The following RAB27B variants were observed in gnomAD, a reference collection of about 807,000 sequenced individuals.
RAB27B encodes the protein RAB27B, member RAS oncogene family.
RAB27B carries 15 observed loss-of-function variants against 24.6 expected under a neutral mutation model. The ratio of observed to expected loss-of-function variants is 0.61; its 90% confidence interval spans 0.41 to 0.94. The LOEUF is 0.94. RAB27B is among the 40% of genes least tolerant of loss of function. RAB27B has a pLI of 0.00. For synonymous variants in RAB27B, 105 were observed against 92.5 expected (o/e 1.14, Z -0.78); for missense variants, 261 against 266.8 (o/e 0.98, Z 0.15).
chr18:54,769,687 A>G (rs182855695), intron 2 of RAB27B, among the ~76,000 whole-genome samples: 1 of 152,294 alleles, frequency 6.6e-6, no homozygotes, highest in Admixed American at 6.5e-5. Context: ...TTAAGGTTTT[A>G]TATACATGAT....
intron 2 of RAB27B, among the ~76,000 whole-genome samples, chr18:54,760,995 C>CT (rs199850716): frequency 0.033 from 4,773 of 145,918 alleles, 225 homozygotes; most frequent in African/African-American, 0.11. Context: ...GAGAGGTATT[C>CT]TTTTTTTTTT....
intron 2 of RAB27B, among the ~76,000 whole-genome samples, chr18:54,821,904 C>T (rs1910322876): frequency 6.6e-6 from 1 of 152,078 alleles, no homozygotes; most frequent in South Asian, 2.1e-4. Flanking sequence ...CAGGCATGGC[C>T]CCCATGCCTG....
chr18:54,849,600 A>T (rs1024732144), intron 1 of RAB27B, among the ~76,000 whole-genome samples: 15 of 152,156 alleles, frequency 9.9e-5, no homozygotes, highest in African/African-American at 3.1e-4. Context: ...ATGCTTCTGT[A>T]ATTCCAGCTA....
Position 54,843,360 on chromosome 18 carries a change from C to CT in RAB27B, c.-20+14671dup, listed in dbSNP as rs59589200. 3.7e-3 allele frequency among the ~76,000 whole-genome samples: 557 copies of CT among 150,564 alleles called. 3 individuals are homozygous for CT. The highest frequency in any genetic ancestry group is 0.013 in the African/African-American group (522 of 40,626). The stretch of plus-strand genomic sequence containing the variant: ...ATAAGTTTAGATTTTCAATAAAACT[C>CT]TTTTTTTTTTTAGCAGTGCCAGCCT... On this transcript the variant is annotated intron_variant, in intron 1 of 5. Coordinates refer to ENST00000262094, the MANE Select transcript of RAB27B (RefSeq NM_004163.4).
At chr18:54,738,027 A>AT (rs2145004405) in intron 2 of RAB27B, among the ~76,000 whole-genome samples, 1 of 152,222 alleles carries the variant, frequency 6.6e-6, no homozygotes, top group East Asian at 1.9e-4. Flanking sequence ...AATGGGTACA[A>AT]TAAAAAAAGA....
intron 2 of RAB27B, among the ~76,000 whole-genome samples, chr18:54,795,118 T>C (rs774160727): frequency 6.6e-6 from 1 of 152,198 alleles, no homozygotes; most frequent in African/African-American, 2.4e-5. Context: ...TTCCCACTTA[T>C]GGTTAATTTT....
chr18:54,807,679 T>C (rs1459760223), intron 2 of RAB27B, among the ~76,000 whole-genome samples: 7 of 152,168 alleles, frequency 4.6e-5, no homozygotes, highest in Non-Finnish European at 1.0e-4. Context: ...TTGTTAGTGA[T>C]GTTTTGGTAG....
At chr18:54,736,486 A>G (rs1033071141) in intron 2 of RAB27B, among the ~76,000 whole-genome samples, 2 of 152,128 alleles carry the variant, frequency 1.3e-5, no homozygotes, top group Non-Finnish European at 2.9e-5. Context: ...AAAAAAGGCT[A>G]TTAATAGCTA....
At chr18:54,884,036 C>T (rs1422602418) in intron 3 of RAB27B, among the ~76,000 whole-genome samples, 6 of 151,944 alleles carry the variant, frequency 3.9e-5, no homozygotes, top group Admixed American at 1.3e-4. Flanking sequence ...AAAATGCCCA[C>T]GAGCCAAAAA....
At chr18:54,734,038 G>C (rs1416238619) in intron 2 of RAB27B, among the ~76,000 whole-genome samples, 1 of 152,162 alleles carries the variant, frequency 6.6e-6, no homozygotes, top group Admixed American at 6.6e-5. Context: ...AAGGGTTAAA[G>C]ATAGCTTAAG....
At chr18:54,855,725 T>C (rs902383587) in intron 1 of RAB27B, among the ~76,000 whole-genome samples, 1 of 152,240 alleles carries the variant, frequency 6.6e-6, no homozygotes, top group African/African-American at 2.4e-5. Flanking sequence ...TATTGAAAAG[T>C]ATATACTCAT....
chr18:54,828,064 T>G (rs2145178016), upstream of RAB27B: 1 of 152,306 alleles, frequency 6.6e-6, no homozygotes, highest in East Asian at 1.9e-4. Context: ...AAAATATTAA[T>G]TTCTTTCCAA....
chr18:54,821,472 C>A (rs1910308718), intron 2 of RAB27B, among the ~76,000 whole-genome samples: 1 of 152,132 alleles, frequency 6.6e-6, no homozygotes, highest in Non-Finnish European at 1.5e-5. Context: ...CACAATTTGA[C>A]TTCCTCTTTT....
chr18:54,817,496 T>C (rs530641459), intron 2 of RAB27B, among the ~76,000 whole-genome samples: 1 of 152,304 alleles, frequency 6.6e-6, no homozygotes, highest in South Asian at 2.1e-4. Context: ...ATCATAAATC[T>C]TTTGGGCATA....
At chr18:54,748,152 C>T (rs895610376) in intron 2 of RAB27B, among the ~76,000 whole-genome samples, 2 of 151,836 alleles carry the variant, frequency 1.3e-5, no homozygotes, top group Admixed American at 1.3e-4. Flanking sequence ...AGTGGTTGAT[C>T]CTATTCTATT....
chr18:54,809,520 C>G (rs1186691250), intron 2 of RAB27B, among the ~76,000 whole-genome samples: 2 of 152,120 alleles, frequency 1.3e-5, no homozygotes, highest in African/African-American at 4.8e-5. Flanking sequence ...AAGTTGCAGC[C>G]AATCCACAGA....
chr18:54,870,408 G>A (rs543250426), intron 1 of RAB27B, among the ~76,000 whole-genome samples: 1 of 152,186 alleles, frequency 6.6e-6, no homozygotes, highest in East Asian at 1.9e-4. Context: ...CCAGCATGTT[G>A]CTTAATGGGA....
In RAB27B at chr18:54,892,898, T is replaced by G. The variant is rs929925033; in HGVS notation, c.*3485T>G. 6.6e-6 allele frequency: 1 copy of G among 152,086 alleles called. No homozygotes were observed. Among genetic ancestry groups the G allele is most frequent in the African/African-American group, 2.4e-5 (1 of 41,450 alleles). The allele number at this position is 152,086 out of a possible 1,614,324, so 9.4% of individuals were successfully genotyped here. On this transcript the variant is annotated 3_prime_UTR_variant, in exon 6 of 6. Coordinates refer to ENST00000262094, the MANE Select transcript of RAB27B (RefSeq NM_004163.4). ...CAGGCGAGAGTTTTAATCAGCCTTT[T>G]CTTGTCCCCTTTGTAAGAAAGAGAT...
In RAB27B at chr18:54,890,868, G is replaced by A. The variant is rs1913339085; in HGVS notation, c.*1455G>A. The A allele has an allele frequency of 6.6e-6, 1 of 151,922 alleles. No individual in the cohort carries two copies. The highest frequency in any genetic ancestry group is 1.5e-5 in the Non-Finnish European group (1 of 67,990). The allele number at this position is 151,922 out of a possible 1,614,324, so 9.4% of individuals were successfully genotyped here. Reference sequence around the variant, plus strand: ...TTTTTCATTGGCCTATTCTGTTCTTGTGTCTAAACTAACATTACATTAATT... The same window carrying A: ...TTTTTCATTGGCCTATTCTGTTCTTATGTCTAAACTAACATTACATTAATT... On this transcript the variant is annotated 3_prime_UTR_variant, in exon 6 of 6. Transcript: ENST00000262094.
Sources: allele counts gnomAD v4.1 joint callset (sites outside exome capture counted in the v4.1 genomes callset), GRCh38; gene constraint gnomAD v4.1.1; transcripts MANE v1.5; gene names NCBI Gene and HGNC (gene_info 2026-07-23, HGNC 2026-07-21).